The following FBXW2 variants were observed in gnomAD, a reference collection of about 807,000 sequenced individuals.
FBXW2 encodes the protein F-box/WD repeat-containing protein 2.
In FBXW2, 12 loss-of-function variants were observed where a neutral mutation model predicts 46.0. The observed-to-expected ratio is 0.26, with a 90% CI of 0.17 to 0.42. The LOEUF (loss-of-function observed/expected upper bound fraction) is 0.42, where lower values mean the gene tolerates loss of function less well. FBXW2 is among the 10% of genes least tolerant of loss of function. FBXW2 has a pLI of 1.00. For missense variants in FBXW2, 360 were observed against 537.0 expected (o/e 0.67, Z 3.26); for synonymous variants, 203 against 209.6 (o/e 0.97, Z 0.27).
At chr9:120,784,835 C>T (rs987628662) in intron 3 of FBXW2, among the ~76,000 whole-genome samples, 14 of 150,178 alleles carry the variant, frequency 9.3e-5, no homozygotes, top group African/African-American at 2.9e-4. Flanking sequence ...GCGAGAGAAT[C>T]GCTTGAACCC....
Position 120,763,409 on chromosome 9 carries a change from C to T in FBXW2, c.*1150G>A, listed in dbSNP as rs556100211. The T allele has an allele frequency of 2.0e-5, 3 of 152,178 alleles. No individual in the cohort carries two copies. The South Asian group carries it at 6.2e-4, about 31-fold the overall frequency. 9.4% of individuals were successfully genotyped at this position (152,178 alleles called of 1,614,324 possible). Reference sequence around the variant, plus strand: ...CTGAGGCTGCAGATTAAGTTAGAGGCAAAGGAGGAAGTTAGGTTGGGTTCA... The same window carrying T: ...CTGAGGCTGCAGATTAAGTTAGAGGTAAAGGAGGAAGTTAGGTTGGGTTCA... On this transcript the variant is annotated 3_prime_UTR_variant, in exon 8 of 8. Transcript: ENST00000608872.
At chr9:120,777,821 T>A (rs982355441) in intron 4 of FBXW2, among the ~76,000 whole-genome samples, 1 of 150,738 alleles carries the variant, frequency 6.6e-6, no homozygotes, top group Non-Finnish European at 1.5e-5. Flanking sequence ...TAGGAAACAT[T>A]CAGGTATGTT....
chr9:120,791,480 A>G (rs1023602013), intron 2 of FBXW2, among the ~76,000 whole-genome samples: 1 of 152,238 alleles, frequency 6.6e-6, no homozygotes, highest in African/African-American at 2.4e-5. Flanking sequence ...GGAAGCCATC[A>G]TCCAACTTGA....
chr9:120,768,341 A>G (rs1209900717), intron 7 of FBXW2, among the ~76,000 whole-genome samples: 1 of 152,206 alleles, frequency 6.6e-6, no homozygotes. Context: ...ACCTGTTTGC[A>G]ATTAGCTGTT....
rs780746261 is a variant in FBXW2, at chr9:120,770,636, G to A, written c.1076+712C>T. Among the ~76,000 whole-genome samples the A allele has an allele frequency of 3.9e-5, 6 of 152,170 alleles. No homozygotes were observed. The South Asian group carries it at 1.2e-3, about 32-fold the overall frequency. On this transcript the variant is annotated intron_variant, in intron 7 of 7. Coordinates refer to ENST00000608872, the MANE Select transcript of FBXW2 (RefSeq NM_012164.4). ...ATTTAATAGTCACTTTATAGATGAT[G>A]AAATTGAGCTACAGAGGAGTTAAGA...
intron 4 of FBXW2, 69 bp downstream of exon 4, chr9:120,778,282 C>A: frequency 6.1e-6 from 8 of 1,322,014 alleles, no homozygotes; most frequent in East Asian, 2.4e-5. Context: ...AAAAGCATTT[C>A]ACATTCTTGG....
rs767687736 is a variant in FBXW2, at chr9:120,772,860, T to C, written c.820-20A>G. The C allele has an allele frequency of 2.6e-6, 4 of 1,545,408 alleles. No homozygotes were observed. The South Asian group carries it at 4.5e-5, about 17-fold the overall frequency. ...AACTACCTGCAAATGTAAACCATGTTACGGAAAGATCCTTTTAATGCTGCT... is the reference window on the plus strand; with the variant it reads ...AACTACCTGCAAATGTAAACCATGTCACGGAAAGATCCTTTTAATGCTGCT... On this transcript the variant is annotated intron_variant, in intron 5 of 7. Coordinates refer to ENST00000608872, the MANE Select transcript of FBXW2 (RefSeq NM_012164.4).
At position 120,793,394 on chromosome 9, in the gene FBXW2, G is replaced by A. The variant is rs1254981240; in HGVS notation, c.-170C>T. 5.0e-6 allele frequency: 2 copies of A among 400,174 alleles called. No individual in the cohort carries two copies. The highest frequency in any genetic ancestry group is 8.8e-5 in the Admixed American group (2 of 22,756). 24.8% of individuals were successfully genotyped at this position (400,174 alleles called of 1,614,324 possible). ...CTGCTCCCGGTCCGCAGCCTCACAG[G>A]GGAGCGGCTTCCGGTGCTGCCTGCG... On this transcript the variant is annotated 5_prime_UTR_variant, in exon 1 of 8. Coordinates refer to ENST00000608872, the MANE Select transcript of FBXW2 (RefSeq NM_012164.4).
chr9:120,771,330 G>A lies in FBXW2; in HGVS notation c.1076+18C>T. 1 of 1,599,472 alleles carries A rather than the reference G, an allele frequency of 6.3e-7. No individual in the cohort carries two copies. The highest frequency in any genetic ancestry group is 8.5e-7 in the Non-Finnish European group (1 of 1,172,536). ...GCAGGCTTTCAAAGGTAAAGCGTGA[G>A]GTCGAAGGAAACATTACCTGAGAAT... On this transcript the variant is annotated intron_variant, in intron 7 of 7. Transcript: ENST00000608872.
intron 3 of FBXW2, among the ~76,000 whole-genome samples, chr9:120,786,736 T>C (rs2131368987): frequency 6.6e-6 from 1 of 152,348 alleles, no homozygotes; most frequent in East Asian, 1.9e-4. Context: ...TAGCAAGAAC[T>C]GCCTGGAGTT....
Position 120,788,234 on chromosome 9 carries a change from A to G in FBXW2, c.25T>C (p.Trp9Arg). Residue 9 changes from tryptophan to arginine, a missense_variant, in exon 3 of 8, where the codon TGG becomes CGG. Transcript: ENST00000608872. ...AATGTAACAGAAATGTTATCAAGCC[A>G]TGTCTCAAAGTCCTTTCTCTCCATA... MERKDFET[W>R]LDNISVTFLS... 6.2e-7 allele frequency: 1 copy of G among 1,613,954 alleles called. No homozygotes were observed. Among genetic ancestry groups the G allele is most frequent in the Non-Finnish European group, 8.5e-7 (1 of 1,180,028 alleles).
At chr9:120,792,804 T>G (rs1407864210) in intron 2 of FBXW2, 1 of 1,183,144 alleles carries the variant, frequency 8.5e-7, no homozygotes, top group African/African-American at 1.5e-5. Context: ...GCTGTAAGCC[T>G]ACAGTAAATG....
chr9:120,771,584 T>C, intron 6 of FBXW2, 67 bp from the exon 7 acceptor site: 1 of 1,411,974 alleles, frequency 7.1e-7, no homozygotes, highest in Non-Finnish European at 9.6e-7. Context: ...GTCCTTAAAA[T>C]GGTCTGCATT....
At chr9:120,772,062 A>G (rs890449469) in intron 6 of FBXW2, among the ~76,000 whole-genome samples, 1 of 146,774 alleles carries the variant, frequency 6.8e-6, no homozygotes, top group East Asian at 2.0e-4. Context: ...CTGTCTCAGA[A>G]AAAAAAAAAA....
In FBXW2 at chr9:120,760,794, T is replaced by A. The variant is rs543879418; in HGVS notation, c.*3765A>T. On this transcript the variant is annotated 3_prime_UTR_variant, in exon 8 of 8. Coordinates refer to ENST00000608872, the MANE Select transcript of FBXW2 (RefSeq NM_012164.4). Reference sequence around the variant, plus strand: ...ACTATCCTTAGCTGATTCTGTTAGATCAAAATGCCTAATACAAACAATTTC... The same window carrying A: ...ACTATCCTTAGCTGATTCTGTTAGAACAAAATGCCTAATACAAACAATTTC... 1 of 152,202 alleles carries A rather than the reference T, an allele frequency of 6.6e-6. No homozygotes were observed. The allele number at this position is 152,202 out of a possible 1,614,324, so 9.4% of individuals were successfully genotyped here. A position where few individuals can be genotyped will look rare whatever the true frequency, so the allele number is the denominator to read the frequency against.
chr9:120,762,455 A>G lies in FBXW2; in HGVS notation c.*2104T>C, dbSNP rs1459593714. 1 of 152,248 alleles carries G rather than the reference A, an allele frequency of 6.6e-6. No individual in the cohort carries two copies. Among genetic ancestry groups the G allele is most frequent in the African/African-American group, 2.4e-5 (1 of 41,466 alleles). 9.4% of individuals were successfully genotyped at this position (152,248 alleles called of 1,614,324 possible). A position where few individuals can be genotyped will look rare whatever the true frequency, so the allele number is the denominator to read the frequency against. On this transcript the variant is annotated 3_prime_UTR_variant, in exon 8 of 8. Transcript: ENST00000608872. ...GTGATTCCGGTTCTATTTCTAGAGT[A>G]CTAAGCAGAGCTGATGCACAGAACT...
chr9:120,782,503 G>T (rs1054805983), intron 3 of FBXW2, among the ~76,000 whole-genome samples: 5 of 151,526 alleles, frequency 3.3e-5, no homozygotes, highest in Non-Finnish European at 5.9e-5. Context: ...CAGAATGGTT[G>T]TTTTGCCACA....
rs1009811595 is a variant in FBXW2 at position 120,793,171 on chromosome 9, G to T, written c.-43C>A. 1.2e-4 allele frequency: 71 copies of T among 576,476 alleles called. No individual in the cohort carries two copies. The highest frequency in any genetic ancestry group is 2.4e-5 in the Non-Finnish European group (8 of 327,174). The allele number at this position is 576,476 out of a possible 1,614,324, so 35.7% of individuals were successfully genotyped here. On this transcript the variant is annotated 5_prime_UTR_variant, in exon 2 of 8. Coordinates refer to ENST00000608872, the MANE Select transcript of FBXW2 (RefSeq NM_012164.4). The stretch of plus-strand genomic sequence containing the variant: ...GACCTGAGCGAGCGCCCCGGGGCCC[G>T]GGACCTCGCGCCGGGTTCACAGCTA...
rs2044241120 is a variant in FBXW2, at chr9:120,764,556, G to A, written c.*3C>T. ...AGTCAGTCAGCGGTGGTGGCTCATG[G>A]TGTCAGCCGTGCTCCTTCCACAACA... On this transcript the variant is annotated 3_prime_UTR_variant, in exon 8 of 8. Coordinates refer to ENST00000608872, the MANE Select transcript of FBXW2 (RefSeq NM_012164.4). 1.9e-6 allele frequency: 3 copies of A among 1,606,268 alleles called. No individual in the cohort carries two copies. Among genetic ancestry groups the A allele is most frequent in the East Asian group, 2.2e-5 (1 of 44,676 alleles).
Sources: allele counts gnomAD v4.1 joint callset (sites outside exome capture counted in the v4.1 genomes callset), GRCh38; gene constraint gnomAD v4.1.1; transcripts MANE v1.5; gene names NCBI Gene and HGNC (gene_info 2026-07-23, HGNC 2026-07-21).